The following BCAR1 variants were observed in gnomAD, a reference collection of about 807,000 sequenced individuals.
The protein encoded by BCAR1 is BCAR1 scaffold protein, Cas family member.
BCAR1 carries 30 observed loss-of-function variants against 67.6 expected under a neutral mutation model. The observed-to-expected ratio is 0.44, with a 90% CI of 0.33 to 0.60. The LOEUF (loss-of-function observed/expected upper bound fraction) is 0.60, where lower values mean the gene tolerates loss of function less well. BCAR1 is among the 20% of genes least tolerant of loss of function. The pLI, the probability that BCAR1 is intolerant of heterozygous loss-of-function variation, is 0.02. For missense variants in BCAR1, 1,313 were observed against 1,222.3 expected, an observed-to-expected ratio of 1.07 and a Z score of -1.11; for synonymous variants, 626 against 556.7, an observed-to-expected ratio of 1.12 and a Z score of -1.75.
chr16:75,264,311 G>T, intron 1 of BCAR1: 1 of 1,443,100 alleles, frequency 6.9e-7, no homozygotes, highest in Non-Finnish European at 9.1e-7. Context: ...CTGGGATGTG[G>T]CCAGAGTGAC....
chr16:75,266,834 A>G, intron 1 of BCAR1: 1 of 1,280,208 alleles, frequency 7.8e-7, no homozygotes, highest in Non-Finnish European at 1.0e-6. Flanking sequence ...AGCGCTGCCC[A>G]CCCCAGGGAG....
chr16:75,266,026 C>A (rs939473147), intron 1 of BCAR1: 6 of 1,029,866 alleles, frequency 5.8e-6, no homozygotes, highest in East Asian at 1.8e-4. Flanking sequence ...CGCGCCGCCC[C>A]CCCCACCGTC....
At chr16:75,237,112 C>G in intron 3 of BCAR1, 71 bp downstream of exon 3, 2 of 1,505,704 alleles carry the variant, frequency 1.3e-6, no homozygotes, top group Non-Finnish European at 1.8e-6. Flanking sequence ...AGATGCAGCT[C>G]TCGGCCCAGG....
intron 1 of BCAR1, chr16:75,266,400 TG>T: frequency 4.7e-6 from 1 of 213,640 alleles, no homozygotes; most frequent in Non-Finnish European, 9.2e-6. Context: ...TAGCTCATCC[TG>T]GGGTCGCCCT....
upstream of BCAR1, among the ~76,000 whole-genome samples, chr16:75,252,828 G>A (rs1259705052): frequency 6.6e-6 from 1 of 152,228 alleles, no homozygotes; most frequent in Non-Finnish European, 1.5e-5. Context: ...CACCTTGGCA[G>A]GCCCTCTCCC....
chr16:75,239,964 G>A (rs2077282187), intron 2 of BCAR1, among the ~76,000 whole-genome samples: 2 of 152,278 alleles, frequency 1.3e-5, no homozygotes, highest in East Asian at 1.9e-4. Context: ...TCCCACAGAC[G>A]CCTTCCCCCG....
chr16:75,236,256 C>G, intron 4 of BCAR1: 1 of 524,512 alleles, frequency 1.9e-6, no homozygotes, highest in Non-Finnish European at 3.3e-6. Flanking sequence ...AGCCAGGTGA[C>G]CACCCCTGTG....
intron 2 of BCAR1, 165 bp from the exon 3 acceptor site, chr16:75,237,509 C>T (rs1044310628): frequency 7.3e-6 from 6 of 821,848 alleles, no homozygotes; most frequent in East Asian, 3.3e-5. Flanking sequence ...CACCATCTGA[C>T]CTTCCTCTAG....
At chr16:75,264,455 C>T (rs2077963389) in intron 1 of BCAR1, 4 of 1,508,260 alleles carry the variant, frequency 2.7e-6, no homozygotes, top group Middle Eastern at 1.7e-4. Context: ...AAGTCCAGAA[C>T]TTTCCAGGAG....
intron 1 of BCAR1, chr16:75,263,357 CT>C (rs1390445080): frequency 1.0e-6 from 1 of 985,304 alleles, no homozygotes; most frequent in Non-Finnish European, 1.2e-6. Flanking sequence ...AATGTGTCCT[CT>C]CAGCTGCAGG....
intron 6 of BCAR1, 97 bp from the exon 7 acceptor site, chr16:75,230,120 G>A (rs931795777): frequency 3.5e-6 from 5 of 1,433,276 alleles, no homozygotes; most frequent in Non-Finnish European, 4.7e-6. Flanking sequence ...TCTCTAAAAG[G>A]GCCGCTACTC....
At chr16:75,259,943 T>C (rs1341280290) in intron 1 of BCAR1, among the ~76,000 whole-genome samples, 1 of 151,510 alleles carries the variant, frequency 6.6e-6, no homozygotes, top group Non-Finnish European at 1.5e-5. Flanking sequence ...CCTGTAATCC[T>C]GGCACTTTGG....
In BCAR1 at chr16:75,235,795, A is replaced by G; in HGVS notation, c.1104T>C (p.Ala368=). ...AEDVYDVPPP[A]PDLYDVPPGL... Reference sequence around the variant, plus strand: ...CAGGGGGCACGTCGTAGAGGTCAGGAGCCGGGGGCGGCACGTCATACACGT... The same window carrying G: ...CAGGGGGCACGTCGTAGAGGTCAGGGGCCGGGGGCGGCACGTCATACACGT... The change falls in exon 5 of 7, where the codon GCT becomes GCC. Residue 368 remains alanine, a synonymous_variant. Transcript: ENST00000162330. 6.3e-7 allele frequency: 1 copy of G among 1,593,724 alleles called. No homozygotes were observed. The highest frequency in any genetic ancestry group is 8.6e-7 in the Non-Finnish European group (1 of 1,169,570).
chr16:75,245,132 C>T (rs995177303), intron 1 of BCAR1, among the ~76,000 whole-genome samples: 4 of 152,022 alleles, frequency 2.6e-5, no homozygotes, highest in African/African-American at 4.8e-5. Context: ...TGCAGCCCAC[C>T]GGGCTCAGGG....
chr16:75,261,729 C>T (rs954209418), intron 1 of BCAR1, among the ~76,000 whole-genome samples: 2 of 152,172 alleles, frequency 1.3e-5, no homozygotes, highest in African/African-American at 4.8e-5. Flanking sequence ...CAGGGTCATC[C>T]CACCACCAAG....
In BCAR1 at chr16:75,229,526, C is replaced by T. The variant is rs1159569621; in HGVS notation, c.2598G>A (p.Gln866=). ...GTCACCACCCTCAGGCGGCTGCCAG[C>T]TGGCCTAGGACGCGGCGGAACTGCT... is the stretch of plus-strand genomic sequence containing the variant. ...STQQFRRVLG[Q]LAAA Residue 866 remains glutamine (Q), a synonymous_variant, in exon 7 of 7, where the codon CAG becomes CAA. Coordinates refer to ENST00000162330, the MANE Select transcript of BCAR1 (RefSeq NM_014567.5). 19 of 1,580,918 alleles carry T rather than the reference C, an allele frequency of 1.2e-5. No individual in the cohort carries two copies. Among genetic ancestry groups the T allele is most frequent in the Non-Finnish European group, 1.5e-5 (17 of 1,162,734 alleles).
At chr16:75,240,726 A>T (rs1465871902) in intron 2 of BCAR1, among the ~76,000 whole-genome samples, 1 of 152,172 alleles carries the variant, frequency 6.6e-6, no homozygotes, top group Non-Finnish European at 1.5e-5. Flanking sequence ...TTCCTGGGGG[A>T]GAGCAGCCAG....
chr16:75,244,643 G>A (rs1022714277), intron 1 of BCAR1, among the ~76,000 whole-genome samples: 1 of 152,236 alleles, frequency 6.6e-6, no homozygotes, highest in African/African-American at 2.4e-5. Flanking sequence ...CTCCAGAGCA[G>A]CTAGGAGCCT....
At position 75,237,115 on chromosome 16, in the gene BCAR1, G is replaced by C. The variant is rs181984804; in HGVS notation, c.795+68C>G. The C allele has an allele frequency of 5.9e-4, 884 of 1,499,282 alleles. 7 individuals carry two copies. In the African/African-American group the frequency reaches 0.011, roughly 19 times the overall value. 92.9% of individuals were successfully genotyped at this position (1,499,282 alleles called of 1,614,324 possible). On this transcript the variant is annotated intron_variant, in intron 3 of 6. Coordinates refer to ENST00000162330, the MANE Select transcript of BCAR1 (RefSeq NM_014567.5). ...CCGGGGCTGAGAAGATGCAGCTCTC[G>C]GCCCAGGGCCAAGCAGAGGCACAGA...
Sources: allele counts gnomAD v4.1 joint callset (sites outside exome capture counted in the v4.1 genomes callset), GRCh38; gene constraint gnomAD v4.1.1; transcripts MANE v1.5; gene names NCBI Gene and HGNC (gene_info 2026-07-23, HGNC 2026-07-21).